The following PDE7B variants were observed in gnomAD, a reference collection of about 807,000 sequenced individuals.
PDE7B encodes the protein 3',5'-cyclic-AMP phosphodiesterase 7B.
In PDE7B, 29 loss-of-function variants were observed where a neutral mutation model predicts 56.2. The ratio of observed to expected loss-of-function variants is 0.52; its 90% CI spans 0.38 to 0.70. The LOEUF (loss-of-function observed/expected upper bound fraction) is 0.70. Among genes scored for constraint, PDE7B ranks in the 30% least tolerant of loss-of-function variants. PDE7B has a pLI of 0.00. For synonymous variants in PDE7B, 197 were observed against 196.9 expected, an observed-to-expected ratio of 1.00 and a Z score of 0.00; for missense variants, 490 against 565.0, an observed-to-expected ratio of 0.87 and a Z score of 1.35.
At chr6:135,906,444 G>A (rs1202969158) in intron 1 of PDE7B, among the ~76,000 whole-genome samples, 1 of 152,064 alleles carries the variant, frequency 6.6e-6, no homozygotes, top group African/African-American at 2.4e-5. Flanking sequence ...CATCAGTCGA[G>A]GTCTCAGTCT....
intron 1 of PDE7B, among the ~76,000 whole-genome samples, chr6:135,943,675 C>G (rs1191341680): frequency 6.6e-6 from 1 of 152,166 alleles, no homozygotes; most frequent in Non-Finnish European, 1.5e-5. Flanking sequence ...CAAGGCTTAG[C>G]CCATAATGTG....
intron 2 of PDE7B, among the ~76,000 whole-genome samples, chr6:136,048,091 G>GACAGACAC (rs925479679): frequency 2.8e-5 from 2 of 71,342 alleles, no homozygotes; most frequent in African/African-American, 6.9e-5. Context: ...TAGATAGATA[G>GACAGACAC]ACAGACAGAC....
chr6:135,895,349 C>T (rs1775879651), intron 1 of PDE7B, among the ~76,000 whole-genome samples: 1 of 152,094 alleles, frequency 6.6e-6, no homozygotes, highest in Admixed American at 6.6e-5. Context: ...TTATTTCTAA[C>T]ACGCCAAATG....
rs151100772 is a variant in PDE7B, at chr6:136,107,945, G to A, written c.83-786G>A. On this transcript the variant is annotated intron_variant, in intron 2 of 12. Coordinates refer to ENST00000308191, the MANE Select transcript of PDE7B (RefSeq NM_018945.4). ...AGATCAAGACCATCCTGGCCAACAT[G>A]GTGATACCCTGTCTCTACTAAAAAT... Among the ~76,000 whole-genome samples the A allele has an allele frequency of 9.2e-3, 1,400 of 152,124 alleles. 20 individuals are homozygous for A. The highest frequency in any genetic ancestry group is 0.032 in the African/African-American group (1,338 of 41,498).
At chr6:136,016,620 C>G (rs1409275979) in intron 2 of PDE7B, among the ~76,000 whole-genome samples, 4 of 152,102 alleles carry the variant, frequency 2.6e-5, no homozygotes, top group Non-Finnish European at 5.9e-5. Flanking sequence ...TATGACGGAG[C>G]CAGAATTCCA....
At chr6:135,896,516 C>A (rs1035577880) in intron 1 of PDE7B, among the ~76,000 whole-genome samples, 1 of 152,118 alleles carries the variant, frequency 6.6e-6, no homozygotes, top group Non-Finnish European at 1.5e-5. Flanking sequence ...ACTTTGCTAC[C>A]ATTTATTGGG....
At chr6:135,997,167 C>T (rs956397195) in intron 2 of PDE7B, among the ~76,000 whole-genome samples, 1 of 151,748 alleles carries the variant, frequency 6.6e-6, no homozygotes, top group African/African-American at 2.4e-5. Context: ...CCTGAAATCC[C>T]AGCACTTTGG....
At chr6:135,898,247 C>A (rs1169413763) in intron 1 of PDE7B, among the ~76,000 whole-genome samples, 1 of 152,136 alleles carries the variant, frequency 6.6e-6, no homozygotes. Context: ...TCATTGTCTG[C>A]TAAAAGACTT....
chr6:136,037,244 G>A (rs1428671705), intron 2 of PDE7B, among the ~76,000 whole-genome samples: 1 of 152,214 alleles, frequency 6.6e-6, no homozygotes, highest in Non-Finnish European at 1.5e-5. Context: ...GAATGAGCCT[G>A]AGCCACATAT....
At chr6:135,936,696 A>T (rs748851037) in intron 1 of PDE7B, among the ~76,000 whole-genome samples, 5 of 152,180 alleles carry the variant, frequency 3.3e-5, no homozygotes, top group Non-Finnish European at 7.3e-5. Context: ...AGTTTCTGAG[A>T]GGGAGATGTC....
intron 2 of PDE7B, among the ~76,000 whole-genome samples, chr6:135,986,747 T>C (rs1775382881): frequency 6.6e-6 from 1 of 152,242 alleles, no homozygotes; most frequent in South Asian, 2.1e-4. Flanking sequence ...ACAAGTTTTC[T>C]TTCAGAAAGG....
chr6:136,152,570 A>C (rs1478583364), intron 6 of PDE7B, among the ~76,000 whole-genome samples: 1 of 152,138 alleles, frequency 6.6e-6, no homozygotes, highest in South Asian at 2.1e-4. Context: ...CCATCTTTCC[A>C]CTGAACTCCA....
chr6:136,138,104 G>T (rs1247210814), intron 3 of PDE7B, among the ~76,000 whole-genome samples: 2 of 151,974 alleles, frequency 1.3e-5, no homozygotes, highest in Non-Finnish European at 2.9e-5. Context: ...TTGTATAAGG[G>T]TCTTAAATAA....
chr6:136,005,184 A>C (rs907699473), intron 2 of PDE7B, among the ~76,000 whole-genome samples: 2 of 152,174 alleles, frequency 1.3e-5, no homozygotes, highest in African/African-American at 4.8e-5. Flanking sequence ...CCTTCCTTAC[A>C]CCTTATACAA....
At chr6:136,190,068 T>C (rs1779198062) in intron 12 of PDE7B, among the ~76,000 whole-genome samples, 1 of 152,254 alleles carries the variant, frequency 6.6e-6, no homozygotes, top group African/African-American at 2.4e-5. Context: ...TATTCACACT[T>C]TGAACTTCAG....
intron 2 of PDE7B, among the ~76,000 whole-genome samples, chr6:135,960,937 A>T (rs1267725786): frequency 6.6e-6 from 1 of 152,218 alleles, no homozygotes; most frequent in Non-Finnish European, 1.5e-5. Context: ...GCTATAGAAC[A>T]GAAGTCAGCA....
chr6:135,978,276 T>C (rs1583807810), intron 2 of PDE7B, among the ~76,000 whole-genome samples: 1 of 152,230 alleles, frequency 6.6e-6, no homozygotes, highest in East Asian at 1.9e-4. Flanking sequence ...AAAGGTACAG[T>C]AAAAACATGA....
At chr6:135,902,678 A>G (rs1776025846) in intron 1 of PDE7B, among the ~76,000 whole-genome samples, 1 of 152,174 alleles carries the variant, frequency 6.6e-6, no homozygotes, top group Admixed American at 6.6e-5. Context: ...TTGATCTTGT[A>G]TATCATTGGC....
At chr6:136,188,798 T>A (rs1194549956) in intron 12 of PDE7B, among the ~76,000 whole-genome samples, 1 of 152,144 alleles carries the variant, frequency 6.6e-6, no homozygotes, top group Non-Finnish European at 1.5e-5. Context: ...GTTGAGTGAA[T>A]AGGGAAATCC....
Sources: gnomAD v4.1 joint callset for allele counts (sites outside exome capture counted in the v4.1 genomes callset) on GRCh38, gnomAD v4.1.1 for gene constraint, MANE v1.5 for transcripts, NCBI Gene and HGNC (gene_info 2026-07-23, HGNC 2026-07-21) for gene names.